ELAVL4: variants seen among roughly 807,000 people sequenced by gnomAD.
ELAVL4 encodes ELAV like RNA binding protein 4, also known as ELAV-like protein 4.
Under a neutral mutation model 35.6 loss-of-function variants are expected in ELAVL4, and 1 was observed. The observed-to-expected ratio is 0.03, with a 90% CI of 0.01 to 0.13. The LOEUF (loss-of-function observed/expected upper bound fraction) is 0.13, where lower values mean the gene tolerates loss of function less well. Ranked by LOEUF, ELAVL4 falls within the 10% of genes least tolerant of loss-of-function variation. The pLI, the probability that ELAVL4 is intolerant of heterozygous loss-of-function variation, is 1.00. For synonymous variants in ELAVL4, 156 were observed against 171.0 expected (o/e 0.91, Z 0.69); for missense variants, 267 against 464.9 (o/e 0.57, Z 3.91).
chr1:50,065,314 G>GAAC (rs1227540023), intron 1 of ELAVL4, among the ~76,000 whole-genome samples: 5 of 152,166 alleles, frequency 3.3e-5, no homozygotes, highest in Non-Finnish European at 7.3e-5. Context: ...GATTATACCG[G>GAAC]AGAAGACTGG....
chr1:50,180,276 A>G (rs956991702), intron 3 of ELAVL4: 4 of 152,170 alleles, frequency 2.6e-5, no homozygotes, highest in Non-Finnish European at 5.9e-5. Flanking sequence ...AAAATTTGAA[A>G]CTTTTTGAGC....
intron 1 of ELAVL4, among the ~76,000 whole-genome samples, chr1:50,066,691 A>G (rs958233353): frequency 1.3e-5 from 2 of 152,220 alleles, no homozygotes; most frequent in Non-Finnish European, 2.9e-5. Flanking sequence ...TCCTGTCTGT[A>G]TGATTTTTCA....
upstream of ELAVL4, chr1:50,105,882 T>G (rs1666258838): frequency 6.2e-6 from 1 of 160,896 alleles, no homozygotes; most frequent in African/African-American, 2.4e-5. Flanking sequence ...CTGTTTCTCT[T>G]AAAACAAAAT....
chr1:50,168,334 A>G (rs1481239005), intron 2 of ELAVL4, among the ~76,000 whole-genome samples: 1 of 151,910 alleles, frequency 6.6e-6, no homozygotes, highest in African/African-American at 2.4e-5. Flanking sequence ...TCAGGGTCCC[A>G]TTTTTTCCAA....
At chr1:50,068,809 A>G (rs1480258021) in intron 1 of ELAVL4, among the ~76,000 whole-genome samples, 1 of 152,198 alleles carries the variant, frequency 6.6e-6, no homozygotes, top group East Asian at 1.9e-4. Context: ...AAAAAGAATG[A>G]TCTATTCTGG....
upstream of ELAVL4, among the ~76,000 whole-genome samples, chr1:50,099,810 G>C (rs1665888211): frequency 6.6e-6 from 1 of 152,138 alleles, no homozygotes; most frequent in Non-Finnish European, 1.5e-5. Context: ...AATAGCACAT[G>C]CACGAAATAA....
chr1:50,066,882 G>A (rs1183625212), intron 1 of ELAVL4, among the ~76,000 whole-genome samples: 1 of 152,156 alleles, frequency 6.6e-6, no homozygotes, highest in Non-Finnish European at 1.5e-5. Flanking sequence ...TTTCAGTGGT[G>A]CTTCTAAATA....
At chr1:50,144,364 T>G (rs1474871186) in intron 1 of ELAVL4, among the ~76,000 whole-genome samples, 1 of 150,824 alleles carries the variant, frequency 6.6e-6, no homozygotes, top group Non-Finnish European at 1.5e-5. Flanking sequence ...AATGGCTAGA[T>G]TAAAAAAAAA....
chr1:50,096,249 G>A (rs751385696), intron 1 of ELAVL4, among the ~76,000 whole-genome samples: 1 of 151,594 alleles, frequency 6.6e-6, no homozygotes, highest in Non-Finnish European at 1.5e-5. Flanking sequence ...AGACAGACCC[G>A]TAAACAACTG....
chr1:50,075,242 G>A (rs183984973), intron 1 of ELAVL4, among the ~76,000 whole-genome samples: 20 of 152,232 alleles, frequency 1.3e-4, no homozygotes, highest in African/African-American at 4.8e-4. Context: ...GACATTTTAG[G>A]GAATTTGCAT....
intron 2 of ELAVL4, among the ~76,000 whole-genome samples, chr1:50,157,992 G>A (rs1358714667): frequency 6.6e-6 from 1 of 152,180 alleles, no homozygotes; most frequent in East Asian, 1.9e-4. Context: ...AGACAGGATA[G>A]TCTAGTGATT....
chr1:50,077,146 T>G (rs976735710), intron 1 of ELAVL4, among the ~76,000 whole-genome samples: 1 of 152,134 alleles, frequency 6.6e-6, no homozygotes, highest in African/African-American at 2.4e-5. Context: ...CCCAGTTCTA[T>G]CCCATGTTAG....
At chr1:50,051,126 T>C (rs1407507398) in intron 1 of ELAVL4, among the ~76,000 whole-genome samples, 1 of 152,124 alleles carries the variant, frequency 6.6e-6, no homozygotes, top group Non-Finnish European at 1.5e-5. Flanking sequence ...GTCATGAACT[T>C]TTTACAACAT....
At chr1:50,048,194 T>G in intron 1 of ELAVL4, 1 of 1,519,674 alleles carries the variant, frequency 6.6e-7, no homozygotes, top group Non-Finnish European at 8.8e-7. Context: ...TAGAAGCGCC[T>G]CGGCGCAGGC....
chr1:50,125,741 C>G (rs1172253817), intron 1 of ELAVL4, among the ~76,000 whole-genome samples: 1 of 152,068 alleles, frequency 6.6e-6, no homozygotes, highest in East Asian at 1.9e-4. Flanking sequence ...CTGTTAAGAT[C>G]TCCTGATGGC....
chr1:50,107,588 T>A (rs4336897), upstream of ELAVL4, among the ~76,000 whole-genome samples: 5,057 of 152,308 alleles, frequency 0.033, 299 homozygotes, highest in African/African-American at 0.11. Context: ...GAAATATAGC[T>A]TATTTTTTGG....
intron 2 of ELAVL4, among the ~76,000 whole-genome samples, chr1:50,174,086 T>C (rs1195281318): frequency 6.6e-6 from 1 of 152,140 alleles, no homozygotes; most frequent in Non-Finnish European, 1.5e-5. Flanking sequence ...AACATAAAAT[T>C]TTTCCTCATT....
chr1:50,201,046 C>G lies in ELAVL4; in HGVS notation c.969C>G (p.Cys323Trp), dbSNP rs762942843. The change falls in exon 7 of 7, where the codon TGC (cysteine) becomes TGG (tryptophan). Residue 323 changes from cysteine to tryptophan, a missense_variant. By Grantham distance (215) the Cys-to-Trp change is radical (BLOSUM62 -2). This residue lies in a region of ELAVL4 where 216 missense variants were observed against 409.5 expected (regional missense o/e 0.53). Transcript: ENST00000371824. This position sits in a 1 kb window ranked among gnomAD's most constrained non-coding sequence, Gnocchi z 4.3. Reference protein sequence around the residue: ...KVIRDFNTNKCKGFGFVTMTN... With the variant: ...KVIRDFNTNKWKGFGFVTMTN... ...TTCGTGACTTCAACACCAACAAGTG[C>G]AAGGGATTCGGCTTTGTCACCATGA... The G allele has an allele frequency of 6.2e-7, 1 of 1,614,098 alleles. No homozygotes were observed. The highest frequency in any genetic ancestry group is 8.5e-7 in the Non-Finnish European group (1 of 1,179,986).
chr1:50,151,768 C>G (rs1674831235), intron 2 of ELAVL4, among the ~76,000 whole-genome samples: 1 of 152,092 alleles, frequency 6.6e-6, no homozygotes, highest in African/African-American at 2.4e-5. Context: ...TTACCACCTC[C>G]CTGCAGTCAT....
Sources: gnomAD v4.1 joint callset for allele counts (sites outside exome capture counted in the v4.1 genomes callset) on GRCh38, gnomAD v4.1.1 for gene constraint, gnomAD v4.1.1 regional missense constraint, Gnocchi (gnomAD v3.1) non-coding constraint, MANE v1.5 for transcripts, NCBI Gene and HGNC (gene_info 2026-07-23, HGNC 2026-07-21) for gene names.